Variants in TMEM117 observed in about 807,000 individuals in gnomAD.
The protein encoded by TMEM117 is transmembrane protein 117.
A neutral mutation model predicts 52.4 loss-of-function variants in TMEM117; 27 were observed. That is an observed-to-expected ratio of 0.51 (90% CI 0.38 to 0.71). The LOEUF is 0.71. Ranked by LOEUF, TMEM117 falls within the 30% of genes least tolerant of loss-of-function variation. The pLI is 0.00. For synonymous variants in TMEM117, 215 were observed against 206.3 expected (o/e 1.04, Z -0.36); for missense variants, 556 against 630.5 (o/e 0.88, Z 1.26).
At chr12:44,312,145 T>C (rs1338058395) in intron 6 of TMEM117, among the ~76,000 whole-genome samples, 3 of 151,892 alleles carry the variant, frequency 2.0e-5, no homozygotes, top group Admixed American at 6.6e-5. Flanking sequence ...TGATGAATGA[T>C]CCTATGAATG....
intron 2 of TMEM117, among the ~76,000 whole-genome samples, chr12:43,933,225 G>A (rs560362696): frequency 1.7e-4 from 25 of 149,630 alleles, no homozygotes; most frequent in East Asian, 5.9e-4. Flanking sequence ...TTTTCGAGAC[G>A]GAGTCTTACT....
At chr12:43,807,245 T>C in the TMEM117 span, among the ~76,000 whole-genome samples, 2 of 152,186 alleles carry the variant, frequency 1.3e-5, no homozygotes, top group Non-Finnish European at 2.9e-5. Context: ...AAATAATTTA[T>C]TCAGGTCAAT....
At chr12:43,951,402 C>T (rs1945219288) in intron 3 of TMEM117, among the ~76,000 whole-genome samples, 1 of 152,188 alleles carries the variant, frequency 6.6e-6, no homozygotes, top group Admixed American at 6.5e-5. Context: ...GCTTGAAATC[C>T]CCATTACCAG....
chr12:44,308,775 G>A (rs376220880), intron 6 of TMEM117, among the ~76,000 whole-genome samples: 3 of 151,956 alleles, frequency 2.0e-5, no homozygotes, highest in Admixed American at 6.6e-5. Context: ...GCCTGCCACC[G>A]CGCCCGGCTA....
At chr12:43,965,283 C>A (rs10748384) in intron 3 of TMEM117, among the ~76,000 whole-genome samples, 145,254 of 152,310 alleles carry the variant, frequency 0.95, 69,641 homozygotes, top group East Asian at 1. Context: ...CTTATCTTGA[C>A]ATTTTCTGAG....
At chr12:43,966,302 C>T (rs1945484503) in intron 3 of TMEM117, among the ~76,000 whole-genome samples, 1 of 151,970 alleles carries the variant, frequency 6.6e-6, no homozygotes, top group African/African-American at 2.4e-5. Context: ...TTTAAAATTC[C>T]TGAAACAAAA....
At chr12:43,884,117 CAG>C (rs2137458366) in intron 2 of TMEM117, among the ~76,000 whole-genome samples, 1 of 131,444 alleles carries the variant, frequency 7.6e-6, no homozygotes, top group African/African-American at 2.9e-5. Context: ...GCCTGGGCAA[CAG>C]AGTGATACCA....
chr12:44,220,152 T>C (rs1465676343), intron 5 of TMEM117, among the ~76,000 whole-genome samples: 2 of 152,168 alleles, frequency 1.3e-5, no homozygotes, highest in Non-Finnish European at 2.9e-5. Context: ...ATTTTAAGAA[T>C]TAATATGAAG....
At chr12:43,858,323 C>T (rs1943433631) in intron 2 of TMEM117, among the ~76,000 whole-genome samples, 1 of 152,184 alleles carries the variant, frequency 6.6e-6, no homozygotes, top group East Asian at 1.9e-4. Context: ...AGCCGGTGTG[C>T]CTTGTCTGCC....
upstream of TMEM117, among the ~76,000 whole-genome samples, chr12:43,833,742 T>C (rs1243799195): frequency 6.6e-6 from 1 of 151,854 alleles, no homozygotes; most frequent in East Asian, 1.9e-4. Context: ...TGAGCTGTGA[T>C]TGCACCACTG....
At chr12:43,948,234 T>G (rs546395926) in intron 3 of TMEM117, among the ~76,000 whole-genome samples, 1 of 152,278 alleles carries the variant, frequency 6.6e-6, no homozygotes, top group African/African-American at 2.4e-5. Context: ...AGGAAAAACC[T>G]TGTCTCAAAT....
chr12:44,359,754 C>T (rs1951697229), intron 6 of TMEM117, among the ~76,000 whole-genome samples: 1 of 151,920 alleles, frequency 6.6e-6, no homozygotes, highest in African/African-American at 2.4e-5. Flanking sequence ...CATAAACATA[C>T]TCTCAAATTA....
intron 3 of TMEM117, among the ~76,000 whole-genome samples, chr12:44,021,237 C>A (rs747025399): frequency 6.6e-6 from 1 of 152,114 alleles, no homozygotes; most frequent in Non-Finnish European, 1.5e-5. Flanking sequence ...AAATAGTTAT[C>A]TTTTCTGCTC....
chr12:43,821,734 G>A, the TMEM117 span, among the ~76,000 whole-genome samples: 4 of 152,258 alleles, frequency 2.6e-5, no homozygotes, highest in Admixed American at 2.0e-4. Flanking sequence ...GAATAAGCCC[G>A]TCTTTCATGA....
chr12:44,353,324 T>G (rs1252196035), intron 6 of TMEM117, among the ~76,000 whole-genome samples: 3 of 151,936 alleles, frequency 2.0e-5, no homozygotes, highest in East Asian at 1.9e-4. Context: ...GTCAATTTTG[T>G]CTTTGGTTGC....
At chr12:44,130,641 C>G (rs1231963618) in intron 3 of TMEM117, among the ~76,000 whole-genome samples, 4 of 152,054 alleles carry the variant, frequency 2.6e-5, no homozygotes, top group African/African-American at 9.7e-5. Flanking sequence ...ATATGCTCAT[C>G]CATTCTTCTG....
Position 44,349,847 on chromosome 12 carries a change from A to T in TMEM117, c.769-26748A>T, listed in dbSNP as rs150076180. 4.3e-3 allele frequency among the ~76,000 whole-genome samples: 656 copies of T among 152,130 alleles called. 1 individual carries two copies. Among genetic ancestry groups the T allele is most frequent in the African/African-American group, 0.014 (602 of 41,552 alleles). ...ACTAGAAACATAAAAGATGACTGAG[A>T]CCTAGTCCTTGCCTTCAAGTTACTC... is the stretch of plus-strand genomic sequence containing the variant. On this transcript the variant is annotated intron_variant, in intron 6 of 7. Transcript: ENST00000266534.
At chr12:44,089,846 A>G (rs1947633001) in intron 3 of TMEM117, among the ~76,000 whole-genome samples, 3 of 152,188 alleles carry the variant, frequency 2.0e-5, no homozygotes, top group Admixed American at 6.5e-5. Flanking sequence ...CTTGTTGTAA[A>G]TAAAAACAGC....
rs76910488 is a variant in TMEM117, at chr12:43,888,109, G to T, written c.277+43181G>T. 4.4e-3 allele frequency among the ~76,000 whole-genome samples: 675 copies of T among 152,264 alleles called. 4 individuals are homozygous for T. Among genetic ancestry groups the T allele is most frequent in the Non-Finnish European group, 7.9e-3 (536 of 68,020 alleles). ...GAAAAACTAAGTTCAGATGTTGGTT[G>T]TGCCACTTACTAGATGTGTAACCTT... On this transcript the variant is annotated intron_variant, in intron 2 of 7. Coordinates refer to ENST00000266534, the MANE Select transcript of TMEM117 (RefSeq NM_032256.3).
Sources: allele counts gnomAD v4.1 joint callset (sites outside exome capture counted in the v4.1 genomes callset), GRCh38; gene constraint gnomAD v4.1.1; transcripts MANE v1.5; gene names NCBI Gene and HGNC (gene_info 2026-07-23, HGNC 2026-07-21).